EXOC4: variants seen among roughly 807,000 people sequenced by gnomAD.
The protein encoded by EXOC4 is exocyst complex component 4, also known as SEC8-like 1.
In EXOC4, 71 loss-of-function variants were observed where a neutral mutation model predicts 107.2. The observed-to-expected ratio is 0.66, with a 90% CI of 0.55 to 0.81. EXOC4 has a LOEUF of 0.81. Ranked by LOEUF, EXOC4 falls within the 30% of genes least tolerant of loss-of-function variation. EXOC4 has a pLI of 0.00. For missense variants in EXOC4, 1,108 were observed against 1,189.6 expected, an observed-to-expected ratio of 0.93 and a Z score of 1.01; for synonymous variants, 456 against 441.2, an observed-to-expected ratio of 1.03 and a Z score of -0.42.
In EXOC4 at chr7:134,024,738, G is replaced by A. The variant is rs987584825; in HGVS notation, c.2687+16903G>A. On this transcript the variant is annotated intron_variant, in intron 17 of 17. Transcript: ENST00000253861. ...CTGTGTGGGGGACAACCTCAGCTTCGCCCATCAGATGCATGCACTCTGAAC... is the reference window on the plus strand; with the variant it reads ...CTGTGTGGGGGACAACCTCAGCTTCACCCATCAGATGCATGCACTCTGAAC... 4.6e-5 allele frequency among the ~76,000 whole-genome samples: 7 copies of A among 152,192 alleles called. No homozygotes were observed. In the South Asian group the frequency reaches 6.2e-4, roughly 14 times the overall value.
intron 12 of EXOC4, among the ~76,000 whole-genome samples, chr7:133,896,906 G>A (rs1271149184): frequency 1.1e-5 from 1 of 91,430 alleles, no homozygotes; most frequent in Non-Finnish European, 2.0e-5. Context: ...CTCATGATCC[G>A]CCCACCTCGG....
chr7:133,718,190 C>A (rs1795036626), intron 10 of EXOC4, among the ~76,000 whole-genome samples: 1 of 152,118 alleles, frequency 6.6e-6, no homozygotes, highest in Non-Finnish European at 1.5e-5. Flanking sequence ...AGAGGGAGTA[C>A]TAGGTATACT....
At position 133,374,953 on chromosome 7, in the gene EXOC4, A is replaced by G. The variant is rs1390451703; in HGVS notation, c.1133A>G (p.Lys378Arg). The change falls in exon 7 of 18, where the codon AAA becomes AGA. Residue 378 changes from lysine (K) to arginine (R), a missense_variant. Transcript: ENST00000253861. ...CCACTGACTCAGCAGGAAGATATCA[A>G]ACTGTATGATATGGCAGATGTATGG... Reference protein sequence around the residue: ...VTPLTQQEDIKLYDMADVWVK... With the variant: ...VTPLTQQEDIRLYDMADVWVK... 6.2e-7 allele frequency: 1 copy of G among 1,614,084 alleles called. No homozygotes were observed. The highest frequency in any genetic ancestry group is 1.3e-5 in the African/African-American group (1 of 75,044).
chr7:133,445,881 T>C (rs952498646), intron 7 of EXOC4, among the ~76,000 whole-genome samples: 2 of 151,934 alleles, frequency 1.3e-5, no homozygotes, highest in Admixed American at 1.3e-4. Context: ...CCAGGCATGG[T>C]GGCGCATGCC....
chr7:133,474,226 A>C (rs1584945372), intron 7 of EXOC4, among the ~76,000 whole-genome samples: 1 of 152,002 alleles, frequency 6.6e-6, no homozygotes, highest in African/African-American at 2.4e-5. Flanking sequence ...TTTTTAGTGT[A>C]TCTATTATGG....
chr7:133,537,494 A>T (rs1800296096), intron 9 of EXOC4, among the ~76,000 whole-genome samples: 1 of 152,108 alleles, frequency 6.6e-6, no homozygotes, highest in South Asian at 2.1e-4. Context: ...TTGTTGTCCC[A>T]TACTTTATCT....
chr7:134,083,762 A>G, the EXOC4 span, among the ~76,000 whole-genome samples: 1 of 152,212 alleles, frequency 6.6e-6, no homozygotes, highest in South Asian at 2.1e-4. Flanking sequence ...CACTTTGACC[A>G]TGCTCTAAAG....
chr7:133,787,177 T>TA (rs1221827427), intron 10 of EXOC4, among the ~76,000 whole-genome samples: 1 of 149,432 alleles, frequency 6.7e-6, no homozygotes, highest in Non-Finnish European at 1.5e-5. Context: ...TCTTTTCTTT[T>TA]TTTTTTTGAG....
At chr7:133,726,162 C>G (rs1171454560) in intron 10 of EXOC4, among the ~76,000 whole-genome samples, 2 of 152,030 alleles carry the variant, frequency 1.3e-5, no homozygotes, top group African/African-American at 4.8e-5. Flanking sequence ...GGAATAAGAT[C>G]TCCTAGAGAG....
chr7:133,662,013 A>G (rs755197031), intron 10 of EXOC4, among the ~76,000 whole-genome samples: 18 of 152,130 alleles, frequency 1.2e-4, no homozygotes, highest in Non-Finnish European at 2.6e-4. Flanking sequence ...TATGTGGATG[A>G]GCTCATTAAA....
chr7:134,093,123 A>C, the EXOC4 span, among the ~76,000 whole-genome samples: 1 of 152,164 alleles, frequency 6.6e-6, no homozygotes, highest in East Asian at 1.9e-4. Context: ...AATGCCATTT[A>C]CATTGGATTA....
Position 133,566,092 on chromosome 7 carries a change from G to A in EXOC4, c.1418-63953G>A, listed in dbSNP as rs532753999. 3.3e-5 allele frequency among the ~76,000 whole-genome samples: 5 copies of A among 152,318 alleles called. No individual in the cohort carries two copies. The East Asian group carries it at 9.6e-4, about 29-fold the overall frequency. On this transcript the variant is annotated intron_variant, in intron 9 of 17. Transcript: ENST00000253861. ...ATCATTTATAAAGGTATGTAACTAA[G>A]TGTATTGGCCTATATGAAAATATAG...
At chr7:133,502,529 T>G (rs2150888917) in intron 9 of EXOC4, among the ~76,000 whole-genome samples, 1 of 152,238 alleles carries the variant, frequency 6.6e-6, no homozygotes, top group Non-Finnish European at 1.5e-5. Context: ...AATTTGCTTT[T>G]TTGTGTGTGG....
intron 1 of EXOC4, among the ~76,000 whole-genome samples, chr7:133,272,479 ACATT>A (rs1456260621): frequency 1.3e-5 from 2 of 152,164 alleles, no homozygotes; most frequent in Non-Finnish European, 2.9e-5. Context: ...GATTAAACAT[ACATT>A]CTATAAAATG....
chr7:133,787,998 T>TGG (rs1796623739), intron 10 of EXOC4, among the ~76,000 whole-genome samples: 1 of 104,870 alleles, frequency 9.5e-6, no homozygotes, highest in Non-Finnish European at 1.9e-5. Flanking sequence ...TATATATATA[T>TGG]ATATATATAT....
At chr7:133,793,851 A>C (rs115521864) in intron 10 of EXOC4, among the ~76,000 whole-genome samples, 1 of 3,606 alleles carries the variant, frequency 2.8e-4, no homozygotes, top group South Asian at 0.17. Flanking sequence ...ACACACACAA[A>C]AAATAAATAA....
At chr7:133,403,015 G>A (rs917841593) in intron 7 of EXOC4, among the ~76,000 whole-genome samples, 3 of 151,486 alleles carry the variant, frequency 2.0e-5, no homozygotes, top group African/African-American at 7.3e-5. Flanking sequence ...CTCCCGAGTA[G>A]CTGGGATTAC....
chr7:133,519,007 C>G (rs1305369411), intron 9 of EXOC4, among the ~76,000 whole-genome samples: 2 of 151,918 alleles, frequency 1.3e-5, no homozygotes, highest in African/African-American at 4.8e-5. Flanking sequence ...TATATTTTTC[C>G]TCAATTAAAA....
chr7:133,859,756 C>A (rs1798493997), intron 11 of EXOC4, among the ~76,000 whole-genome samples: 1 of 152,028 alleles, frequency 6.6e-6, no homozygotes, highest in South Asian at 2.1e-4. Context: ...TTATTTCTGA[C>A]TTTTAAGAGT....
Sources: allele counts gnomAD v4.1 joint callset (sites outside exome capture counted in the v4.1 genomes callset), GRCh38; gene constraint gnomAD v4.1.1; transcripts MANE v1.5; gene names NCBI Gene and HGNC (gene_info 2026-07-23, HGNC 2026-07-21).